Variants in WWOX observed in about 807,000 individuals in gnomAD.
WWOX encodes the protein WW domain containing oxidoreductase.
In WWOX, 69 loss-of-function variants were observed where a neutral mutation model predicts 46.2. The observed-to-expected ratio is 1.49, with a 90% confidence interval of 1.23 to 1.82. WWOX has a LOEUF of 1.82. Among genes scored for constraint, WWOX ranks in the 40% most tolerant of loss-of-function variants. The pLI, the probability that WWOX is intolerant of heterozygous loss-of-function variation, is 0.00. For missense variants in WWOX, 919 were observed against 542.6 expected (o/e 1.69, Z -6.89); for synonymous variants, 359 against 202.6 (o/e 1.77, Z -6.56).
intron 8 of WWOX, among the ~76,000 whole-genome samples, chr16:78,860,658 A>G (rs2052694986): frequency 6.6e-6 from 1 of 152,246 alleles, no homozygotes; most frequent in African/African-American, 2.4e-5. Context: ...AGTTCAGGTA[A>G]TGATAATGCG....
At chr16:79,015,647 T>G (rs1009764589) in intron 8 of WWOX, among the ~76,000 whole-genome samples, 1 of 152,230 alleles carries the variant, frequency 6.6e-6, no homozygotes, top group Non-Finnish European at 1.5e-5. Flanking sequence ...GTGGGATTAG[T>G]CATGTCCCTA....
intron 5 of WWOX, among the ~76,000 whole-genome samples, chr16:78,169,888 G>T (rs950750147): frequency 6.6e-6 from 1 of 152,184 alleles, no homozygotes; most frequent in African/African-American, 2.4e-5. Flanking sequence ...TTAACAGAGA[G>T]TGCAGAAGAG....
chr16:78,315,505 CTG>C (rs753228550), intron 5 of WWOX, among the ~76,000 whole-genome samples: 4 of 152,064 alleles, frequency 2.6e-5, no homozygotes, highest in Non-Finnish European at 5.9e-5. Flanking sequence ...TAAAAATTGG[CTG>C]GGCATGGTGG....
rs996191973 is a variant in WWOX, at chr16:78,791,209, G to A, written c.1056+358457G>A. On this transcript the variant is annotated intron_variant, in intron 8 of 8. Transcript: ENST00000566780. ...GTGGGCTGTATCTGCGTAAGGTGCC[G>A]GGACAGGGCGGCCTCATGAACTCAT... Among the ~76,000 whole-genome samples, 11 of 151,886 alleles carry A rather than the reference G, an allele frequency of 7.2e-5. 1 individual carries two copies. The highest frequency in any genetic ancestry group is 3.9e-4 in the East Asian group (2 of 5,150).
At chr16:78,551,606 T>A (rs1335070853) in intron 8 of WWOX, 1 of 152,236 alleles carries the variant, frequency 6.6e-6, no homozygotes, top group Non-Finnish European at 1.5e-5. Flanking sequence ...CTTTGAATGG[T>A]GAATACCCTC....
chr16:78,995,046 C>G (rs953433629), intron 8 of WWOX, among the ~76,000 whole-genome samples: 3 of 136,848 alleles, frequency 2.2e-5, no homozygotes, highest in Admixed American at 1.6e-4. Context: ...AGAAAGGATT[C>G]CCAGTCCCCC....
chr16:78,617,450 C>A (rs1046019946), intron 8 of WWOX, among the ~76,000 whole-genome samples: 4 of 151,526 alleles, frequency 2.6e-5, no homozygotes, highest in East Asian at 3.9e-4. Flanking sequence ...GCTGCTTTGC[C>A]TAAGTATTTC....
chr16:78,660,574 T>C (rs1407728517), intron 8 of WWOX, among the ~76,000 whole-genome samples: 1 of 152,098 alleles, frequency 6.6e-6, no homozygotes, highest in African/African-American at 2.4e-5. Context: ...TACTGTTTAT[T>C]TGTGTTGTTT....
intron 8 of WWOX, among the ~76,000 whole-genome samples, chr16:78,587,087 G>A (rs1249945930): frequency 4.0e-5 from 6 of 151,810 alleles, no homozygotes; most frequent in African/African-American, 7.3e-5. Flanking sequence ...GTGCAGTGGC[G>A]TGATCACAGC....
At chr16:79,020,699 G>C (rs1273379502) in intron 8 of WWOX, among the ~76,000 whole-genome samples, 5 of 152,308 alleles carry the variant, frequency 3.3e-5, no homozygotes, top group Admixed American at 6.5e-5. Context: ...AGTGTGGTGA[G>C]TAGGATAAAG....
chr16:78,705,267 T>G (rs776798340), intron 8 of WWOX, among the ~76,000 whole-genome samples: 20 of 152,232 alleles, frequency 1.3e-4, no homozygotes, highest in Non-Finnish European at 2.5e-4. Flanking sequence ...TGTTTACATT[T>G]ATCAAATGTT....
chr16:79,061,620 C>T (rs990333755), intron 8 of WWOX, among the ~76,000 whole-genome samples: 2 of 152,120 alleles, frequency 1.3e-5, no homozygotes, highest in Non-Finnish European at 1.5e-5. Flanking sequence ...GCTGTGTGAG[C>T]ACTGATCCAT....
chr16:78,365,800 C>G (rs1004870023), intron 5 of WWOX, among the ~76,000 whole-genome samples: 3 of 152,140 alleles, frequency 2.0e-5, no homozygotes, highest in Non-Finnish European at 4.4e-5. Context: ...TGGCTCCCCC[C>G]ACCAAATTTC....
chr16:78,453,366 T>C (rs964662565), intron 8 of WWOX, among the ~76,000 whole-genome samples: 2 of 150,094 alleles, frequency 1.3e-5, no homozygotes, highest in Non-Finnish European at 3.0e-5. Context: ...GAGGTGGCAG[T>C]GAGTGGAGAT....
chr16:78,318,260 C>T (rs752716609), intron 5 of WWOX, among the ~76,000 whole-genome samples: 53 of 132,790 alleles, frequency 4.0e-4, no homozygotes, highest in Non-Finnish European at 6.6e-4. Context: ...AGGAGCCCTC[C>T]GTCTGGGAGG....
At chr16:78,507,968 T>C (rs1415358304) in intron 8 of WWOX, among the ~76,000 whole-genome samples, 1 of 108,160 alleles carries the variant, frequency 9.2e-6, no homozygotes, top group Non-Finnish European at 2.2e-5. Context: ...ATGCATGGAC[T>C]GTGGTGTTTT....
At chr16:78,396,129 G>C (rs755860597) in intron 6 of WWOX, among the ~76,000 whole-genome samples, 15 of 152,146 alleles carry the variant, frequency 9.9e-5, no homozygotes, top group Non-Finnish European at 1.5e-4. Context: ...CTAGAGATTG[G>C]AAATAAAGCT....
intron 8 of WWOX, among the ~76,000 whole-genome samples, chr16:78,958,683 C>T (rs758492818): frequency 2.0e-5 from 3 of 152,072 alleles, no homozygotes; most frequent in Non-Finnish European, 4.4e-5. Context: ...TATTCTCAGA[C>T]AACTGAAATA....
chr16:78,508,137 T>G (rs2085263098), intron 8 of WWOX, among the ~76,000 whole-genome samples: 1 of 151,722 alleles, frequency 6.6e-6, no homozygotes. Flanking sequence ...ATCTCCCTAG[T>G]AGTTGAGATT....
Sources: gnomAD v4.1 joint callset for allele counts (sites outside exome capture counted in the v4.1 genomes callset) on GRCh38, gnomAD v4.1.1 for gene constraint, MANE v1.5 for transcripts, NCBI Gene and HGNC (gene_info 2026-07-23, HGNC 2026-07-21) for gene names.